BAZ1B: variants seen among roughly 807,000 people sequenced by gnomAD.
The protein encoded by BAZ1B is tyrosine-protein kinase BAZ1B.
A neutral mutation model predicts 153.8 loss-of-function variants in BAZ1B; 22 were observed. The observed-to-expected ratio is 0.14, with a 90% CI of 0.10 to 0.20. The LOEUF is 0.20. BAZ1B is among the 10% of genes least tolerant of loss of function. BAZ1B has a pLI of 1.00. For synonymous variants in BAZ1B, 676 were observed against 633.4 expected (o/e 1.07, Z -1.01); for missense variants, 1,325 against 1,799.3 (o/e 0.74, Z 4.77).
At chr7:73,487,654 G>A (rs191364986) in intron 6 of BAZ1B, among the ~76,000 whole-genome samples, 130 of 152,250 alleles carry the variant, frequency 8.5e-4, no homozygotes, top group Admixed American at 2.5e-3. Context: ...CTCATATAGC[G>A]AAGATAGGAA....
At chr7:73,456,977 A>G (rs916349887) in intron 13 of BAZ1B, among the ~76,000 whole-genome samples, 3 of 117,086 alleles carry the variant, frequency 2.6e-5, no homozygotes, top group African/African-American at 9.4e-5. Flanking sequence ...AAAAAAAAAA[A>G]GTATTGGCGA....
At position 73,477,599 on chromosome 7, in the gene BAZ1B, G is replaced by C; in HGVS notation, c.1862C>G (p.Ser621Cys). 1 of 1,614,160 alleles carries C rather than the reference G, an allele frequency of 6.2e-7. No homozygotes were observed. ...CTGAGCATCTGGTAAAAGTAGCCCAGAATAACAGCTCAAGAATTCCACCAC... is the reference window on the plus strand; with the variant it reads ...CTGAGCATCTGGTAAAAGTAGCCCACAATAACAGCTCAAGAATTCCACCAC... ...AMVVEFLSCY[S>C]GLLLPDAQYP... The change falls in exon 7 of 20, where the codon TCT becomes TGT. Residue 621 changes from serine (S) to cysteine (C), a missense_variant. By Grantham distance (112) the Ser-to-Cys change is moderately radical. Coordinates refer to ENST00000339594, the MANE Select transcript of BAZ1B (RefSeq NM_032408.4). This position sits in a 1 kb window ranked among gnomAD's most constrained non-coding sequence, Gnocchi z 5.6.
In BAZ1B at chr7:73,442,162, C is replaced by T. The variant is rs1337616843; in HGVS notation, c.*15+19G>A. The stretch of plus-strand genomic sequence containing the variant: ...CCCTCCCACCCTCCCTAGCTGTCCC[C>T]CCACCTCAGCTCCCTTACCACGGCC... On this transcript the variant is annotated intron_variant, in intron 19 of 19. Transcript: ENST00000339594. The T allele has an allele frequency of 7.4e-7, 1 of 1,353,810 alleles. No individual in the cohort carries two copies. Among genetic ancestry groups the T allele is most frequent in the Admixed American group, 1.8e-5 (1 of 54,720 alleles). 83.9% of individuals were successfully genotyped at this position (1,353,810 alleles called of 1,614,324 possible). A position where few individuals can be genotyped will look rare whatever the true frequency, so the allele number is the denominator to read the frequency against.
At chr7:73,443,958 G>A (rs782731748) in intron 17 of BAZ1B, 26 bp downstream of exon 17, 1 of 1,613,100 alleles carries the variant, frequency 6.2e-7, no homozygotes, top group African/African-American at 1.3e-5. Flanking sequence ...AGAAAGGTTA[G>A]AGAAGGGATG....
intron 1 of BAZ1B, among the ~76,000 whole-genome samples, chr7:73,521,562 G>T (rs1272356155): frequency 6.6e-6 from 1 of 152,060 alleles, no homozygotes; most frequent in African/African-American, 2.4e-5. Flanking sequence ...GCTCCTCGCC[G>T]GCGAGGCCCC....
At chr7:73,448,299 C>A (rs1421923555) in intron 15 of BAZ1B, among the ~76,000 whole-genome samples, 1 of 152,108 alleles carries the variant, frequency 6.6e-6, no homozygotes, top group African/African-American at 2.4e-5. Context: ...AGCGAAACTC[C>A]GTCTCAAAAA....
chr7:73,475,622 C>G (rs535720660), intron 7 of BAZ1B, among the ~76,000 whole-genome samples: 1 of 152,052 alleles, frequency 6.6e-6, no homozygotes, highest in Non-Finnish European at 1.5e-5. Flanking sequence ...GTTTTGGGGC[C>G]AGGCATGGTG....
intron 2 of BAZ1B, among the ~76,000 whole-genome samples, chr7:73,510,172 G>A (rs984161409): frequency 2.6e-5 from 4 of 151,700 alleles, no homozygotes; most frequent in African/African-American, 7.3e-5. Flanking sequence ...GCTCACGCCT[G>A]TAATCCCAGC....
rs1787984666 is a variant in BAZ1B at position 73,450,160 on chromosome 7, G to A, written c.3581-471C>T. On this transcript the variant is annotated intron_variant, in intron 14 of 19. Transcript: ENST00000339594. This position sits in a 1 kb window ranked among gnomAD's most constrained non-coding sequence, Gnocchi z 4.1. ...CCTCCCGGGTTCAAGTGATTCTCCTGCTTCAGCCTCCCAAAGTGCTGGGAT... is the reference window on the plus strand; with the variant it reads ...CCTCCCGGGTTCAAGTGATTCTCCTACTTCAGCCTCCCAAAGTGCTGGGAT... 6.6e-6 allele frequency among the ~76,000 whole-genome samples: 1 copy of A among 151,914 alleles called. No individual in the cohort carries two copies. Among genetic ancestry groups the A allele is most frequent in the Admixed American group, 6.6e-5 (1 of 15,240 alleles).
At chr7:73,495,387 C>T (rs1554576248) in intron 4 of BAZ1B, among the ~76,000 whole-genome samples, 1 of 152,170 alleles carries the variant, frequency 6.6e-6, no homozygotes, top group Non-Finnish European at 1.5e-5. Flanking sequence ...AGGCTACAAA[C>T]AGTTAAGAAT....
intron 6 of BAZ1B, among the ~76,000 whole-genome samples, chr7:73,485,580 A>AGG (rs1789371844): frequency 6.6e-6 from 1 of 151,074 alleles, no homozygotes; most frequent in African/African-American, 2.4e-5. Flanking sequence ...AGCTATGATC[A>AGG]TTCCACTGCT....
chr7:73,464,053 C>T (rs1788489146), intron 11 of BAZ1B: 2 of 861,420 alleles, frequency 2.3e-6, no homozygotes, highest in Non-Finnish European at 2.8e-6. Context: ...ATTCAGACAA[C>T]ACAATTCTGA....
At chr7:73,483,364 A>C (rs1344619300) in intron 6 of BAZ1B, among the ~76,000 whole-genome samples, 2 of 152,186 alleles carry the variant, frequency 1.3e-5, no homozygotes, top group African/African-American at 4.8e-5. Context: ...TGAATTAGCA[A>C]ACCTTGGCAA....
chr7:73,508,112 C>T (rs1790418160), intron 3 of BAZ1B, among the ~76,000 whole-genome samples: 1 of 152,050 alleles, frequency 6.6e-6, no homozygotes, highest in Non-Finnish European at 1.5e-5. Context: ...GCCAAGATTG[C>T]GCACTGCACT....
intron 7 of BAZ1B, among the ~76,000 whole-genome samples, chr7:73,472,412 C>A (rs1395773347): frequency 6.6e-6 from 1 of 152,010 alleles, no homozygotes; most frequent in East Asian, 1.9e-4. Flanking sequence ...GCATGTGTCA[C>A]CACGCCCGGC....
intron 6 of BAZ1B, 69 bp downstream of exon 6, chr7:73,489,121 TATAA>T: frequency 6.9e-7 from 1 of 1,452,678 alleles, no homozygotes; most frequent in Non-Finnish European, 9.5e-7. Context: ...CTGCTATAAA[TATAA>T]ATATACTGGA....
At chr7:73,497,860 A>C (rs951345887) in intron 4 of BAZ1B, among the ~76,000 whole-genome samples, 1 of 152,104 alleles carries the variant, frequency 6.6e-6, no homozygotes, top group Non-Finnish European at 1.5e-5. Context: ...CCAATACATA[A>C]ATACATATTT....
intron 4 of BAZ1B, among the ~76,000 whole-genome samples, chr7:73,496,299 G>C (rs1290632124): frequency 6.6e-6 from 1 of 152,126 alleles, no homozygotes; most frequent in Admixed American, 6.6e-5. Context: ...TCACAATACA[G>C]GAGAAAACAA....
At chr7:73,515,275 A>T (rs999092777) in intron 1 of BAZ1B, among the ~76,000 whole-genome samples, 1 of 152,150 alleles carries the variant, frequency 6.6e-6, no homozygotes, top group Non-Finnish European at 1.5e-5. Flanking sequence ...CCTTTCCATA[A>T]GAGGATTTTT....
Sources: gnomAD v4.1 joint callset for allele counts (sites outside exome capture counted in the v4.1 genomes callset) on GRCh38, gnomAD v4.1.1 for gene constraint, Gnocchi (gnomAD v3.1) non-coding constraint, MANE v1.5 for transcripts, NCBI Gene and HGNC (gene_info 2026-07-23, HGNC 2026-07-21) for gene names.